Variants in TECRL observed in about 807,000 individuals in gnomAD.
The protein encoded by TECRL is trans-2,3-enoyl-CoA reductase-like.
TECRL carries 63 observed loss-of-function variants against 52.8 expected under a neutral mutation model. That is an observed-to-expected ratio of 1.19 (90% CI 0.97 to 1.47). TECRL has a LOEUF of 1.47. Among genes scored for constraint, TECRL ranks in the 40% most tolerant of loss-of-function variants. The probability of loss-of-function intolerance (pLI) is 0.00; values close to 1 mark genes in which losing one functional copy is unlikely to be tolerated. For missense variants in TECRL, 482 were observed against 429.6 expected (o/e 1.12, Z -1.08); for synonymous variants, 164 against 141.9 (o/e 1.16, Z -1.10).
At chr4:64,367,322 C>A (rs1166614839) in intron 2 of TECRL, among the ~76,000 whole-genome samples, 1 of 152,028 alleles carries the variant, frequency 6.6e-6, no homozygotes, top group African/African-American at 2.4e-5. Flanking sequence ...CATTTGTACA[C>A]CAACCCCAAC....
In TECRL at chr4:64,386,522, G is replaced by A. The variant is rs116748473; in HGVS notation, c.235-11299C>T. 7.8e-3 allele frequency among the ~76,000 whole-genome samples: 1,184 copies of A among 152,162 alleles called. 13 individuals carry two copies. The highest frequency in any genetic ancestry group is 0.027 in the African/African-American group (1,104 of 41,528). ...GCTGTATGCATATATATATGTCAGC[G>A]TAGAGGACAAAGTATGGGAAGTGAT... On this transcript the variant is annotated intron_variant, in intron 1 of 11. Coordinates refer to ENST00000381210, the MANE Select transcript of TECRL (RefSeq NM_001010874.5).
At chr4:64,389,755 T>C (rs950488474) in intron 1 of TECRL, among the ~76,000 whole-genome samples, 1 of 151,890 alleles carries the variant, frequency 6.6e-6, no homozygotes, top group Non-Finnish European at 1.5e-5. Flanking sequence ...GATTATTAAT[T>C]ATTGATTCAA....
intron 9 of TECRL, among the ~76,000 whole-genome samples, chr4:64,285,081 T>C (rs1723015135): frequency 6.6e-6 from 1 of 151,986 alleles, no homozygotes; most frequent in Admixed American, 6.6e-5. Context: ...ATCCAGATCA[T>C]AAATAAATAA....
At chr4:64,360,776 G>T (rs1197836509) in intron 2 of TECRL, among the ~76,000 whole-genome samples, 1 of 152,118 alleles carries the variant, frequency 6.6e-6, no homozygotes, top group Non-Finnish European at 1.5e-5. Flanking sequence ...AATAGGTGTG[G>T]AATGGCCTAC....
chr4:64,280,759 C>T (rs982987835), intron 11 of TECRL, among the ~76,000 whole-genome samples: 1 of 152,098 alleles, frequency 6.6e-6, no homozygotes, highest in African/African-American at 2.4e-5. Flanking sequence ...AAGTTTCAAG[C>T]GAAATGCGTT....
At chr4:64,336,362 C>T (rs1054118542) in intron 2 of TECRL, among the ~76,000 whole-genome samples, 1 of 151,990 alleles carries the variant, frequency 6.6e-6, no homozygotes, top group Admixed American at 6.6e-5. Flanking sequence ...GGTGATATCC[C>T]CTTTATCATT....
intron 3 of TECRL, among the ~76,000 whole-genome samples, chr4:64,323,329 C>A (rs1211752028): frequency 1.3e-5 from 2 of 151,918 alleles, no homozygotes; most frequent in African/African-American, 4.8e-5. Context: ...CCAGGGAGGT[C>A]AAGGCTACAG....
In TECRL at chr4:64,387,685, T is replaced by C. The variant is rs116272557; in HGVS notation, c.235-12462A>G. Among the ~76,000 whole-genome samples the C allele has an allele frequency of 6.2e-3, 942 of 152,178 alleles. 6 individuals carry two copies. Among genetic ancestry groups the C allele is most frequent in the South Asian group, 8.9e-3 (43 of 4,830 alleles). Reference sequence around the variant, plus strand: ...TTTTTGTATATTTATTCGCCATTTGTATATCTTTTCTAGTGAAGTGTCTGT... The same window carrying C: ...TTTTTGTATATTTATTCGCCATTTGCATATCTTTTCTAGTGAAGTGTCTGT... On this transcript the variant is annotated intron_variant, in intron 1 of 11. Transcript: ENST00000381210.
At chr4:64,330,426 T>C (rs761592886) in intron 2 of TECRL, among the ~76,000 whole-genome samples, 4 of 152,074 alleles carry the variant, frequency 2.6e-5, no homozygotes, top group Non-Finnish European at 5.9e-5. Flanking sequence ...AAAGTTCAAA[T>C]GTTGATAGCC....
At chr4:64,330,588 AC>A (rs1260529980) in intron 2 of TECRL, among the ~76,000 whole-genome samples, 1 of 152,050 alleles carries the variant, frequency 6.6e-6, no homozygotes, top group Non-Finnish European at 1.5e-5. Context: ...AGAATACTTG[AC>A]CCTTGGAGTT....
At chr4:64,375,679 A>C (rs1389810623) in intron 1 of TECRL, among the ~76,000 whole-genome samples, 1 of 151,916 alleles carries the variant, frequency 6.6e-6, no homozygotes, top group Non-Finnish European at 1.5e-5. Flanking sequence ...AGTCACCTTA[A>C]GTCCCCTACT....
At chr4:64,290,604 T>G (rs1439352843) in intron 8 of TECRL, among the ~76,000 whole-genome samples, 1 of 152,128 alleles carries the variant, frequency 6.6e-6, no homozygotes, top group Non-Finnish European at 1.5e-5. Flanking sequence ...ATATATCGGA[T>G]TTTGTTCTTT....
chr4:64,286,040 T>C (rs1208835878), intron 9 of TECRL, among the ~76,000 whole-genome samples: 1 of 152,132 alleles, frequency 6.6e-6, no homozygotes, highest in Admixed American at 6.5e-5. Context: ...AATTCACACA[T>C]TTAATAATAA....
chr4:64,400,065 T>C (rs1724241503), intron 1 of TECRL, among the ~76,000 whole-genome samples: 2 of 152,216 alleles, frequency 1.3e-5, no homozygotes, highest in Admixed American at 1.3e-4. Flanking sequence ...TACCAGCCTG[T>C]TAGAGCAGCC....
chr4:64,337,389 C>A (rs1397330609), intron 2 of TECRL, among the ~76,000 whole-genome samples: 5 of 152,146 alleles, frequency 3.3e-5, no homozygotes, highest in African/African-American at 1.2e-4. Context: ...CCCTCTCTCA[C>A]CACTCCTATT....
intron 1 of TECRL, among the ~76,000 whole-genome samples, chr4:64,403,893 C>T (rs150722237): frequency 1.3e-3 from 203 of 151,478 alleles, no homozygotes; most frequent in African/African-American, 4.8e-3. Context: ...AAGATACTGT[C>T]ATTTGCATGT....
intron 2 of TECRL, among the ~76,000 whole-genome samples, chr4:64,343,628 G>A (rs1047647777): frequency 1.3e-5 from 2 of 151,568 alleles, no homozygotes; most frequent in African/African-American, 2.4e-5. Flanking sequence ...TTCTTTCCAG[G>A]CAAATTTAAT....
chr4:64,281,272 T>C (rs991131832), intron 10 of TECRL, among the ~76,000 whole-genome samples, 186 bp from the exon 11 acceptor site: 2 of 151,930 alleles, frequency 1.3e-5, no homozygotes, highest in African/African-American at 4.8e-5. Flanking sequence ...AATGGGATCA[T>C]ATTTATAAGA....
intron 1 of TECRL, among the ~76,000 whole-genome samples, chr4:64,396,527 T>G (rs751192701): frequency 6.6e-6 from 1 of 152,200 alleles, no homozygotes; most frequent in Non-Finnish European, 1.5e-5. Flanking sequence ...GTTCAATTGT[T>G]TAAGTTCCTT....
Sources: allele counts gnomAD v4.1 joint callset (sites outside exome capture counted in the v4.1 genomes callset), GRCh38; gene constraint gnomAD v4.1.1; transcripts MANE v1.5; gene names NCBI Gene and HGNC (gene_info 2026-07-23, HGNC 2026-07-21).